G3BP1: variants seen among roughly 807,000 people sequenced by gnomAD.
G3BP1 encodes ras GTPase-activating protein-binding protein 1.
G3BP1 carries 35 observed loss-of-function variants against 58.6 expected under a neutral mutation model. That is an observed-to-expected ratio of 0.60 (90% CI 0.46 to 0.79). The LOEUF is 0.79. G3BP1 is among the 30% of genes least tolerant of loss of function. G3BP1 has a pLI of 0.00. For synonymous variants in G3BP1, 191 were observed against 195.4 expected, an observed-to-expected ratio of 0.98 and a Z score of 0.19; for missense variants, 523 against 580.8, an observed-to-expected ratio of 0.90 and a Z score of 1.02.
chr5:151,799,435 C>T, intron 8 of G3BP1, 122 bp downstream of exon 8: 1 of 654,808 alleles, frequency 1.5e-6, no homozygotes, highest in South Asian at 1.7e-5. Context: ...CCTGTAATCC[C>T]AGCACTTTAG....
rs1762994445 is a variant in G3BP1 at position 151,809,997 on chromosome 5, C to T, written c.*5906C>T. ...TAGCTGAAACTCAGCTGTAATTTCT[C>T]CTAAATACTTCAGCATTTTGCATTC... On this transcript the variant is annotated 3_prime_UTR_variant, in exon 12 of 12. Transcript: ENST00000356245. The T allele has an allele frequency of 6.6e-6, 1 of 152,150 alleles. No homozygotes were observed. Among genetic ancestry groups the T allele is most frequent in the Non-Finnish European group, 1.5e-5 (1 of 68,026 alleles). 9.4% of individuals were successfully genotyped at this position (152,150 alleles called of 1,614,324 possible).
chr5:151,794,019 A>T, intron 4 of G3BP1, 140 bp from the exon 5 acceptor site: 1 of 593,996 alleles, frequency 1.7e-6, no homozygotes. Context: ...TCAGAACCCC[A>T]CAACAACAAA....
At chr5:151,772,235 G>T (rs1275999913) in intron 1 of G3BP1, 199 bp downstream of exon 1, 4 of 149,368 alleles carry the variant, frequency 2.7e-5, no homozygotes, top group African/African-American at 9.8e-5. Flanking sequence ...TCCCGTCCCG[G>T]CTGGGGCGCG....
At chr5:151,789,590 G>A (rs1467445090) in intron 2 of G3BP1, among the ~76,000 whole-genome samples, 1 of 152,230 alleles carries the variant, frequency 6.6e-6, no homozygotes, top group Non-Finnish European at 1.5e-5. Flanking sequence ...CCACTTGCAT[G>A]AACTAGGTGT....
Position 151,808,710 on chromosome 5 carries a change from T to G in G3BP1, c.*4619T>G, listed in dbSNP as rs1762972094. ...AGTGTGCATACAGTGTGTCTTAGGATTTTTTTAAGTAAATTAAGGATGTTT... is the reference window on the plus strand; with the variant it reads ...AGTGTGCATACAGTGTGTCTTAGGAGTTTTTTAAGTAAATTAAGGATGTTT... On this transcript the variant is annotated 3_prime_UTR_variant, in exon 12 of 12. Transcript: ENST00000356245. 2 of 152,162 alleles carry G rather than the reference T, an allele frequency of 1.3e-5. 1 individual carries two copies. Among genetic ancestry groups the G allele is most frequent in the South Asian group, 4.1e-4 (2 of 4,836 alleles). 9.4% of individuals were successfully genotyped at this position (152,162 alleles called of 1,614,324 possible). A position where few individuals can be genotyped will look rare whatever the true frequency, so the allele number is the denominator to read the frequency against.
chr5:151,780,612 A>G (rs1377763349), intron 1 of G3BP1, among the ~76,000 whole-genome samples: 1 of 151,918 alleles, frequency 6.6e-6, no homozygotes, highest in Non-Finnish European at 1.5e-5. Flanking sequence ...TCCCGGGTTC[A>G]CTCTGTTCTC....
chr5:151,798,378 A>C (rs570411254), intron 7 of G3BP1, among the ~76,000 whole-genome samples: 75 of 152,110 alleles, frequency 4.9e-4, no homozygotes, highest in Non-Finnish European at 9.7e-4. Flanking sequence ...GCAAGTGGAA[A>C]AGTAGGTTGG....
In G3BP1 at chr5:151,808,078, G is replaced by A. The variant is rs577755754; in HGVS notation, c.*3987G>A. On this transcript the variant is annotated 3_prime_UTR_variant, in exon 12 of 12. Coordinates refer to ENST00000356245, the MANE Select transcript of G3BP1 (RefSeq NM_005754.3). ...ATTAGCAATGTCTTATGTGGGATGA[G>A]GGGTTAAGTTAAAGTTGCTGATCAA... The A allele has an allele frequency of 5.3e-5, 8 of 152,308 alleles. No individual in the cohort carries two copies. The East Asian group carries it at 1.2e-3, about 22-fold the overall frequency. The allele number at this position is 152,308 out of a possible 1,614,324, so 9.4% of individuals were successfully genotyped here.
Position 151,804,000 on chromosome 5 carries a change from G to T in G3BP1, c.1310G>T (p.Gly437Val). 6.2e-7 allele frequency: 1 copy of T among 1,613,786 alleles called. No homozygotes were observed. Among genetic ancestry groups the T allele is most frequent in the Non-Finnish European group, 8.5e-7 (1 of 1,179,822 alleles). Residue 437 changes from glycine to valine, a missense_variant, in exon 12 of 12, where the codon GGG (glycine) becomes GTG (valine). Transcript: ENST00000356245. ...CGGGGACCTGGAGGCCCTCGAGGTGGGCTGGGTGGTGGAATGAGAGGCCCT... is the reference window on the plus strand; with the variant it reads ...CGGGGACCTGGAGGCCCTCGAGGTGTGCTGGGTGGTGGAATGAGAGGCCCT... ...RLRGPGGPRG[G>V]LGGGMRGPPR...
Position 151,803,194 on chromosome 5 carries a change from A to G in G3BP1, c.1195-691A>G, listed in dbSNP as rs139999621. Among the ~76,000 whole-genome samples the G allele has an allele frequency of 4.6e-3, 708 of 152,362 alleles. 7 individuals are homozygous for G. The highest frequency in any genetic ancestry group is 0.016 in the African/African-American group (655 of 41,592). On this transcript the variant is annotated intron_variant, in intron 11 of 11. Coordinates refer to ENST00000356245, the MANE Select transcript of G3BP1 (RefSeq NM_005754.3). ...TTAATGAAGTTTTTATTTTAAATGT[A>G]TATGTACTTTGCATAAATATGTACA...
intron 1 of G3BP1, among the ~76,000 whole-genome samples, chr5:151,778,969 A>C (rs1021522104): frequency 3.3e-5 from 5 of 151,634 alleles, no homozygotes; most frequent in African/African-American, 1.2e-4. Flanking sequence ...AGGCATGAGA[A>C]TTGCTTGAAC....
chr5:151,797,962 T>A (rs75703105), intron 7 of G3BP1, among the ~76,000 whole-genome samples: 1,875 of 144,980 alleles, frequency 0.013, 30 homozygotes, highest in African/African-American at 0.041. Flanking sequence ...AACTGAACTA[T>A]CGTTGAAACC....
chr5:151,790,130 A>C (rs1299538120), intron 2 of G3BP1, among the ~76,000 whole-genome samples, 193 bp from the exon 3 acceptor site: 1 of 150,098 alleles, frequency 6.7e-6, no homozygotes, highest in Non-Finnish European at 1.5e-5. Flanking sequence ...AAAAAAAAAA[A>C]TGTGCACATC....
chr5:151,793,831 CA>C (rs751382380), intron 4 of G3BP1, among the ~76,000 whole-genome samples: 20,964 of 97,704 alleles, frequency 0.21, 1,565 homozygotes, highest in African/African-American at 0.34. Context: ...CGTCTCTACT[CA>C]AAAAAAAAAA....
chr5:151,786,205 C>T (rs1341796067), intron 1 of G3BP1, among the ~76,000 whole-genome samples: 2 of 152,210 alleles, frequency 1.3e-5, no homozygotes, highest in Admixed American at 1.3e-4. Flanking sequence ...AGGAGAATCG[C>T]TTGAACCTGG....
At chr5:151,790,275 A>G (rs776455858) in intron 2 of G3BP1, 48 bp from the exon 3 acceptor site, 2 of 1,057,546 alleles carry the variant, frequency 1.9e-6, no homozygotes. Flanking sequence ...TGAAAAATAA[A>G]CTTAAGATAC....
intron 1 of G3BP1, among the ~76,000 whole-genome samples, chr5:151,776,197 A>G (rs1307370851): frequency 6.6e-6 from 1 of 152,206 alleles, no homozygotes; most frequent in Non-Finnish European, 1.5e-5. Context: ...GACTGAAGTT[A>G]CAGATTTTTG....
intron 1 of G3BP1, among the ~76,000 whole-genome samples, chr5:151,781,304 C>T (rs1762466062): frequency 6.6e-6 from 1 of 152,194 alleles, no homozygotes; most frequent in African/African-American, 2.4e-5. Flanking sequence ...TAAGTTATAA[C>T]TGCATAAAAT....
intron 11 of G3BP1, among the ~76,000 whole-genome samples, chr5:151,802,823 C>T (rs1445446519): frequency 6.6e-6 from 1 of 152,190 alleles, no homozygotes; most frequent in Non-Finnish European, 1.5e-5. Flanking sequence ...GTCCCAGCTA[C>T]TCGGGAGACT....
Sources: allele counts gnomAD v4.1 joint callset (sites outside exome capture counted in the v4.1 genomes callset), GRCh38; gene constraint gnomAD v4.1.1; transcripts MANE v1.5; gene names NCBI Gene and HGNC (gene_info 2026-07-23, HGNC 2026-07-21).